CMPK2: variants seen among roughly 807,000 people sequenced by gnomAD.
CMPK2 encodes UMP-CMP kinase 2, mitochondrial.
In CMPK2, 32 loss-of-function variants were observed where a neutral mutation model predicts 33.4. The observed-to-expected ratio is 0.96, with a 90% CI of 0.72 to 1.29. The LOEUF (loss-of-function observed/expected upper bound fraction) is 1.29, where lower values mean the gene tolerates loss of function less well. CMPK2 is among the 50% of genes most tolerant of loss of function. The probability of loss-of-function intolerance (pLI) is 0.00; values close to 1 mark genes in which losing one functional copy is unlikely to be tolerated. For synonymous variants in CMPK2, 299 were observed against 275.3 expected (o/e 1.09, Z -0.85); for missense variants, 672 against 616.0 (o/e 1.09, Z -0.96).
At chr2:6,841,998 C>G (rs993367746) in intron 3 of CMPK2, among the ~76,000 whole-genome samples, 1 of 152,146 alleles carries the variant, frequency 6.6e-6, no homozygotes, top group African/African-American at 2.4e-5. Flanking sequence ...GTTCAAGCAC[C>G]CTCATGACAG....
Position 6,849,073 on chromosome 2 carries a change from A to G in CMPK2, c.*777T>C. On this transcript the variant is annotated 3_prime_UTR_variant, in exon 5 of 5. Coordinates refer to ENST00000256722, the MANE Select transcript of CMPK2 (RefSeq NM_207315.4). ...TGGCTAAATGAAATGCATCCAGTTCAATGGAAAATGTGCATTCTATTCAGA... is the reference window on the plus strand; with the variant it reads ...TGGCTAAATGAAATGCATCCAGTTCGATGGAAAATGTGCATTCTATTCAGA... 1 of 984,466 alleles carries G rather than the reference A, an allele frequency of 1.0e-6. No homozygotes were observed. Among genetic ancestry groups the G allele is most frequent in the Non-Finnish European group, 1.2e-6 (1 of 828,838 alleles). 61.0% of individuals were successfully genotyped at this position (984,466 alleles called of 1,614,324 possible).
intron 2 of CMPK2, 76 bp from the exon 3 acceptor site, chr2:6,861,461 G>T: frequency 8.1e-6 from 9 of 1,108,980 alleles, no homozygotes; most frequent in Non-Finnish European, 1.2e-5. Context: ...GAGCACAGAC[G>T]TTCTCTCAAA....
rs559460218 is a variant in CMPK2, at chr2:6,855,402, G to A, written c.993-3719C>T. On this transcript the variant is annotated intron_variant, in intron 3 of 4. Transcript: ENST00000256722. ...TCTTCAATTTCCACCATGATTGCAAGTTTCCTGAGGCCTCCCCAGCCATGC... is the reference window on the plus strand; with the variant it reads ...TCTTCAATTTCCACCATGATTGCAAATTTCCTGAGGCCTCCCCAGCCATGC... 9.4e-4 allele frequency among the ~76,000 whole-genome samples: 143 copies of A among 151,398 alleles called. 1 individual carries two copies. The highest frequency in any genetic ancestry group is 6.8e-3 in the Middle Eastern group (2 of 294).
downstream of CMPK2, among the ~76,000 whole-genome samples, chr2:6,845,061 A>T (rs143984974): frequency 6.0e-3 from 909 of 152,250 alleles, 3 homozygotes; most frequent in Non-Finnish European, 8.6e-3. Context: ...GGCTGCCAAG[A>T]GTGTGGGGTC....
At chr2:6,859,039 G>A (rs1352210917) in intron 3 of CMPK2, among the ~76,000 whole-genome samples, 1 of 152,212 alleles carries the variant, frequency 6.6e-6, no homozygotes, top group African/African-American at 2.4e-5. Context: ...TGAGGAACTT[G>A]GTGAGAACTG....
intron 3 of CMPK2, among the ~76,000 whole-genome samples, chr2:6,860,513 G>A (rs966166803): frequency 2.0e-5 from 3 of 152,182 alleles, no homozygotes; most frequent in African/African-American, 7.2e-5. Context: ...AAGGTCTGAT[G>A]ATTTTAAAAA....
At chr2:6,844,030 C>T (rs1662295512), downstream of CMPK2, among the ~76,000 whole-genome samples, 1 of 152,184 alleles carries the variant, frequency 6.6e-6, no homozygotes, top group Admixed American at 6.5e-5. Context: ...CCTATATCTC[C>T]AGGGACAGTT....
chr2:6,865,556 T>C lies in CMPK2; in HGVS notation c.141A>G (p.Leu47=). ...CTGCGTCGCCGGGGGCGTCGGCGCC[T>C]AGGGCGAAGTGAGCCAGGGTGCAGT... is the stretch of plus-strand genomic sequence containing the variant. The part of the protein sequence containing the change: ...LPDCTLAHFA[L]GADAPGDADA... Residue 47 remains leucine, a synonymous_variant, in exon 1 of 5, where the codon CTA becomes CTG. Transcript: ENST00000256722. The C allele has an allele frequency of 1.5e-6, 2 of 1,333,234 alleles. No individual in the cohort carries two copies. The highest frequency in any genetic ancestry group is 1.9e-5 in the South Asian group (1 of 52,032). 82.6% of individuals were successfully genotyped at this position (1,333,234 alleles called of 1,614,324 possible).
chr2:6,850,076 C>T, intron 4 of CMPK2, 103 bp from the exon 5 acceptor site: 1 of 837,646 alleles, frequency 1.2e-6, no homozygotes, highest in Non-Finnish European at 1.9e-6. Flanking sequence ...AGCAAGCTTC[C>T]CATGTCATTT....
At chr2:6,859,419 C>T (rs1229486816) in intron 3 of CMPK2, among the ~76,000 whole-genome samples, 1 of 152,140 alleles carries the variant, frequency 6.6e-6, no homozygotes, top group Non-Finnish European at 1.5e-5. Flanking sequence ...GCTGCTGCCC[C>T]TCCCATCACA....
In CMPK2 at chr2:6,849,097, G is replaced by A. The variant is rs911702001; in HGVS notation, c.*753C>T. The stretch of plus-strand genomic sequence containing the variant: ...CAATGGAAAATGTGCATTCTATTCA[G>A]AGCCATACTTTAGAAAAAAAGAAAA... On this transcript the variant is annotated 3_prime_UTR_variant, in exon 5 of 5. Transcript: ENST00000256722. 1.0e-6 allele frequency: 1 copy of A among 984,126 alleles called. No homozygotes were observed. The highest frequency in any genetic ancestry group is 4.7e-5 in the South Asian group (1 of 21,258). The allele number at this position is 984,126 out of a possible 1,614,324, so 61.0% of individuals were successfully genotyped here.
At chr2:6,847,432 C>T (rs1011140097), downstream of CMPK2, among the ~76,000 whole-genome samples, 5 of 152,258 alleles carry the variant, frequency 3.3e-5, 1 homozygote, top group Non-Finnish European at 4.4e-5. Context: ...CTGAGTGAGC[C>T]AGAGGTTTGT....
chr2:6,863,461 T>C lies in CMPK2; in HGVS notation c.790+3A>G, dbSNP rs946181515. 3 of 1,611,090 alleles carry C rather than the reference T, an allele frequency of 1.9e-6. No homozygotes were observed. Among genetic ancestry groups the C allele is most frequent in the Admixed American group, 1.7e-5 (1 of 59,930 alleles). ...CTATAACTAAAAGGTAATATTATCT[T>C]ACCCGTGGCATCCAGTCCTTCGATG... On this transcript the variant is annotated splice_donor_region_variant and intron_variant, in intron 2 of 4. Coordinates refer to ENST00000256722, the MANE Select transcript of CMPK2 (RefSeq NM_207315.4).
chr2:6,848,344 T>C lies in CMPK2; in HGVS notation c.*1506A>G. ...ATTAGTAAACCACAGCAAAGTTTAT[T>C]CATGTGCCAGGGACATAAAGATACA... On this transcript the variant is annotated 3_prime_UTR_variant, in exon 5 of 5. Transcript: ENST00000256722. 1.0e-6 allele frequency: 1 copy of C among 985,108 alleles called. No individual in the cohort carries two copies. The highest frequency in any genetic ancestry group is 1.2e-6 in the Non-Finnish European group (1 of 829,608). The allele number at this position is 985,108 out of a possible 1,614,324, so 61.0% of individuals were successfully genotyped here. A position where few individuals can be genotyped will look rare whatever the true frequency, so the allele number is the denominator to read the frequency against.
downstream of CMPK2, among the ~76,000 whole-genome samples, chr2:6,845,096 T>G (rs550438758): frequency 9.2e-5 from 14 of 152,296 alleles, no homozygotes; most frequent in African/African-American, 3.1e-4. Flanking sequence ...TACAAAGATT[T>G]GGGTTGTCTC....
At chr2:6,857,634 C>A (rs113504459) in intron 3 of CMPK2, among the ~76,000 whole-genome samples, 1,863 of 64,494 alleles carry the variant, frequency 0.029, 48 homozygotes, top group African/African-American at 0.08. Flanking sequence ...TATTTCTTTT[C>A]TTTTCTTTTT....
At chr2:6,847,370 G>T (rs1662388321), downstream of CMPK2, among the ~76,000 whole-genome samples, 1 of 152,196 alleles carries the variant, frequency 6.6e-6, no homozygotes, top group Non-Finnish European at 1.5e-5. Context: ...CTGGGAGCCT[G>T]CTGACTATAC....
Position 6,848,689 on chromosome 2 carries a change from T to C in CMPK2, c.*1161A>G. The C allele has an allele frequency of 1.0e-6, 1 of 984,926 alleles. No individual in the cohort carries two copies. The highest frequency in any genetic ancestry group is 1.2e-6 in the Non-Finnish European group (1 of 829,072). The allele number at this position is 984,926 out of a possible 1,614,324, so 61.0% of individuals were successfully genotyped here. The stretch of plus-strand genomic sequence containing the variant: ...AGAAATGGTAGATAGGATAAAATAA[T>C]TTACAGATTTATCTGCCTTTGAACT... On this transcript the variant is annotated 3_prime_UTR_variant, in exon 5 of 5. Coordinates refer to ENST00000256722, the MANE Select transcript of CMPK2 (RefSeq NM_207315.4).
chr2:6,851,902 C>T (rs909703728), intron 3 of CMPK2, among the ~76,000 whole-genome samples: 1 of 152,166 alleles, frequency 6.6e-6, no homozygotes, highest in Non-Finnish European at 1.5e-5. Flanking sequence ...GTGTTCTTCA[C>T]ACAGCTCCAT....
Sources: allele counts gnomAD v4.1 joint callset (sites outside exome capture counted in the v4.1 genomes callset), GRCh38; gene constraint gnomAD v4.1.1; transcripts MANE v1.5; gene names NCBI Gene and HGNC (gene_info 2026-07-23, HGNC 2026-07-21).